ZNF782: variants seen among roughly 807,000 people sequenced by gnomAD.
ZNF782 encodes the protein zinc finger protein 782.
A neutral mutation model predicts 13.0 loss-of-function variants in ZNF782; 12 were observed. The observed-to-expected ratio is 0.92, with a 90% confidence interval of 0.59 to 1.50. The LOEUF is 1.50. ZNF782 is among the 40% of genes most tolerant of loss of function. The pLI is 0.00. For missense variants in ZNF782, 770 were observed against 822.9 expected (o/e 0.94, Z 0.79); for synonymous variants, 284 against 283.0 (o/e 1.00, Z -0.04).
chr9:96,904,695 TTATGAATCCAATTTGTCATGTTTTTTA>T, the ZNF782 span, among the ~76,000 whole-genome samples: 1 of 96,652 alleles, frequency 1.0e-5, no homozygotes, highest in Admixed American at 1.0e-4. Context: ...GTTTTAAATT[TTATGAATCCAATTTGTCATGTTTTTTA>T]GTGGATCAGG....
At chr9:96,920,412 G>A in the ZNF782 span, among the ~76,000 whole-genome samples, 445 of 149,500 alleles carry the variant, frequency 3.0e-3, 12 homozygotes, top group East Asian at 0.056. Flanking sequence ...GACTACAGGC[G>A]CCCACCACCA....
chr9:96,878,596 C>T (rs575711699), upstream of ZNF782, among the ~76,000 whole-genome samples: 4 of 152,306 alleles, frequency 2.6e-5, no homozygotes, highest in East Asian at 7.7e-4. Flanking sequence ...GTAAAATTGT[C>T]TCCTAATCGA....
intron 4 of ZNF782, among the ~76,000 whole-genome samples, chr9:96,830,724 G>C (rs1850772933): frequency 6.6e-6 from 1 of 152,152 alleles, no homozygotes. Flanking sequence ...ACTTCAACTT[G>C]ATTGAGCAAA....
chr9:96,854,620 C>G (rs570609058), upstream of ZNF782: 10 of 152,376 alleles, frequency 6.6e-5, no homozygotes, highest in Middle Eastern at 3.4e-3. Flanking sequence ...CGTCCGCCTT[C>G]GACGTGACTC....
chr9:96,920,046 ACTT>A, the ZNF782 span, among the ~76,000 whole-genome samples: 1 of 151,036 alleles, frequency 6.6e-6, no homozygotes, highest in African/African-American at 2.4e-5. Context: ...AAGTAGGTAA[ACTT>A]CTGAAAGTTC....
intron 5 of ZNF782, among the ~76,000 whole-genome samples, chr9:96,826,597 C>G (rs142985500): frequency 1.8e-3 from 267 of 152,214 alleles, no homozygotes; most frequent in Non-Finnish European, 2.7e-3. Context: ...AGAGTTGATT[C>G]AGCAGGCCTG....
At chr9:96,925,140 T>A in the ZNF782 span, among the ~76,000 whole-genome samples, 10 of 152,300 alleles carry the variant, frequency 6.6e-5, no homozygotes, top group African/African-American at 2.4e-4. Context: ...CGGCAACCGA[T>A]GCTGGGAGCG....
At position 96,818,782 on chromosome 9, in the gene ZNF782, C is replaced by G; in HGVS notation, c.1241G>C (p.Arg414Thr). The change falls in exon 6 of 6, where the codon AGA becomes ACA. Residue 414 changes from arginine (R) to threonine (T), a missense_variant. Arg to Thr is a moderately conservative substitution (Grantham distance 71). Transcript: ENST00000481138. The part of the protein sequence containing the change: ...SEKSRLRKHQ[R>T]THTGEKPYKC... ...GTATGGTTTCTCTCCCGTGTGAGTT[C>G]TCTGATGTTTTCTTAGGCGTGACTT... The G allele has an allele frequency of 6.2e-7, 1 of 1,613,918 alleles. No individual in the cohort carries two copies. Among genetic ancestry groups the G allele is most frequent in the Non-Finnish European group, 8.5e-7 (1 of 1,179,990 alleles).
the ZNF782 span, among the ~76,000 whole-genome samples, chr9:96,917,895 T>C: frequency 0.031 from 4,429 of 144,362 alleles, 246 homozygotes; most frequent in East Asian, 0.28. Context: ...GGCGTGTGTG[T>C]GTGTGTGTGT....
At chr9:96,870,686 T>G (rs903730655) in intron 1 of ZNF782, among the ~76,000 whole-genome samples, 3 of 152,268 alleles carry the variant, frequency 2.0e-5, no homozygotes, top group African/African-American at 7.2e-5. Context: ...TTTTAGATTT[T>G]AAAGATAACT....
chr9:96,877,451 C>T (rs1038502821), upstream of ZNF782, among the ~76,000 whole-genome samples: 7 of 152,250 alleles, frequency 4.6e-5, no homozygotes, highest in Non-Finnish European at 1.0e-4. Context: ...CCCCCGGACC[C>T]GCGTGGCTCC....
chr9:96,889,756 G>A, the ZNF782 span: 1 of 151,920 alleles, frequency 6.6e-6, no homozygotes, highest in Non-Finnish European at 1.5e-5. Flanking sequence ...CCTGTACTTG[G>A]GTCATATATA....
rs1588142493 is a variant in ZNF782, at chr9:96,816,668, A to C, written c.*1255T>G. ...AACAAGCTCTGATATAAAATATGAT[A>C]ATTTGTTGAAAACTTTTACACATTC... On this transcript the variant is annotated 3_prime_UTR_variant, in exon 6 of 6. Coordinates refer to ENST00000481138, the MANE Select transcript of ZNF782 (RefSeq NM_001001662.3). The C allele has an allele frequency of 6.6e-6, 1 of 152,318 alleles. No homozygotes were observed. 9.4% of individuals were successfully genotyped at this position (152,318 alleles called of 1,614,324 possible).
In ZNF782 at chr9:96,850,037, G is replaced by A. The variant is rs952134053; in HGVS notation, c.15+1910C>T. ...ATATTTGCATGGATGTGAAGAAAAG[G>A]GAATGCTTATACGCTGCTGGTAGGA... is the stretch of plus-strand genomic sequence containing the variant. On this transcript the variant is annotated intron_variant, in intron 3 of 5. Transcript: ENST00000481138. The surrounding 1 kb of genome is among the most constrained non-coding windows in gnomAD (Gnocchi z 4.3). Among the ~76,000 whole-genome samples, 4 of 152,156 alleles carry A rather than the reference G, an allele frequency of 2.6e-5. No individual in the cohort carries two copies. Among genetic ancestry groups the A allele is most frequent in the African/African-American group, 9.7e-5 (4 of 41,424 alleles).
chr9:96,826,331 T>C lies in ZNF782; in HGVS notation c.244+749A>G, dbSNP rs553762246. 1.3e-4 allele frequency among the ~76,000 whole-genome samples: 19 copies of C among 151,114 alleles called. 1 individual carries two copies. The South Asian group carries it at 3.8e-3, about 30-fold the overall frequency. On this transcript the variant is annotated intron_variant, in intron 5 of 5. Transcript: ENST00000481138. ...ACCAAACACCGCATATTCTCACTCA[T>C]AGGTGGGAATTGAACAATGAGAACA...
the ZNF782 span, among the ~76,000 whole-genome samples, chr9:96,926,559 A>T: frequency 0.019 from 2,663 of 142,552 alleles, 70 homozygotes; most frequent in East Asian, 0.18. Flanking sequence ...TGTGTGGAGG[A>T]CACTCCCCTC....
At chr9:96,863,314 G>A (rs1001335852) in intron 1 of ZNF782, among the ~76,000 whole-genome samples, 9 of 151,084 alleles carry the variant, frequency 6.0e-5, no homozygotes, top group South Asian at 4.2e-4. Flanking sequence ...AATGTGATAC[G>A]ACCTTGCTCC....
chr9:96,878,044 G>A (rs139130403), upstream of ZNF782, among the ~76,000 whole-genome samples: 556 of 152,272 alleles, frequency 3.7e-3, 1 homozygote, highest in African/African-American at 0.012. Flanking sequence ...TTCTCCTTAA[G>A]TTCTGTACTG....
chr9:96,926,487 T>C, the ZNF782 span, among the ~76,000 whole-genome samples: 2 of 152,112 alleles, frequency 1.3e-5, no homozygotes, highest in African/African-American at 2.4e-5. Flanking sequence ...GAGGGCTGCA[T>C]GTAAGGAGGC....
Sources: allele counts gnomAD v4.1 joint callset (sites outside exome capture counted in the v4.1 genomes callset), GRCh38; gene constraint gnomAD v4.1.1; non-coding constraint Gnocchi (gnomAD v3.1); transcripts MANE v1.5; gene names NCBI Gene and HGNC (gene_info 2026-07-23, HGNC 2026-07-21).